NIN: variants seen among roughly 807,000 people sequenced by gnomAD.
NIN encodes the protein ninein.
In NIN, 137 loss-of-function variants were observed where a neutral mutation model predicts 257.6. The ratio of observed to expected loss-of-function variants is 0.53; its 90% CI spans 0.46 to 0.61. The LOEUF (loss-of-function observed/expected upper bound fraction) is 0.61. NIN is among the 20% of genes least tolerant of loss of function. The pLI, the probability that NIN is intolerant of heterozygous loss-of-function variation, is 0.00. For synonymous variants in NIN, 918 were observed against 919.8 expected (o/e 1.00, Z 0.04); for missense variants, 2,439 against 2,501.2 (o/e 0.98, Z 0.53).
chr14:50,722,197 G>A lies in NIN; in HGVS notation c.*1266C>T, dbSNP rs1282713421. On this transcript the variant is annotated 3_prime_UTR_variant, in exon 31 of 31. Transcript: ENST00000530997. Reference sequence around the variant, plus strand: ...GGTTACCGAATCTAAAATGTTGACTGTTCTATAAAGTTTTGATCTTGAGCA... The same window carrying A: ...GGTTACCGAATCTAAAATGTTGACTATTCTATAAAGTTTTGATCTTGAGCA... 4.4e-6 allele frequency: 1 copy of A among 226,482 alleles called. No homozygotes were observed. The highest frequency in any genetic ancestry group is 2.2e-5 in the African/African-American group (1 of 44,962). The allele number at this position is 226,482 out of a possible 1,614,324, so 14.0% of individuals were successfully genotyped here. A position where few individuals can be genotyped will look rare whatever the true frequency, so the allele number is the denominator to read the frequency against.
At chr14:50,806,489 T>TTATTGCCACACCACCTGACA (rs6145336) in intron 4 of NIN, 1 of 320,292 alleles carries the variant, frequency 3.1e-6, no homozygotes, top group Non-Finnish European at 5.7e-6. Context: ...CAAGAATGAG[T>TTATTGCCACACCACCTGACA]TATTGCCTAG....
chr14:50,758,357 G>T lies in NIN; in HGVS notation c.2673C>A (p.Thr891=), dbSNP rs143511857. 1.2e-6 allele frequency: 2 copies of T among 1,614,054 alleles called. No individual in the cohort carries two copies. The highest frequency in any genetic ancestry group is 2.7e-5 in the African/African-American group (2 of 74,926). The change falls in exon 18 of 31, where the codon ACC becomes ACA. Residue 891 remains threonine, a synonymous_variant. Transcript: ENST00000530997. ...TTTTCTCCAGCATCTCTCTCTCCTG[G>T]GTCAGGACCAGAGAAGTTGTTTTCT... ...KREKTTSLVL[T]QEREMLEKTY... is the part of the protein sequence containing the mutation.
chr14:50,826,251 A>C (rs2045452756), intron 2 of NIN, among the ~76,000 whole-genome samples: 1 of 152,060 alleles, frequency 6.6e-6, no homozygotes, highest in Admixed American at 6.6e-5. Context: ...GCCATAATAA[A>C]CCTGGGCCTC....
chr14:50,735,444 C>A (rs140679633), intron 28 of NIN, 72 bp downstream of exon 28: 5 of 1,545,496 alleles, frequency 3.2e-6, no homozygotes, highest in African/African-American at 1.4e-5. Context: ...CATGTCTAGT[C>A]TCTCCCAACA....
chr14:50,729,255 GTT>G (rs541953635), intron 29 of NIN, among the ~76,000 whole-genome samples: 1 of 133,652 alleles, frequency 7.5e-6, no homozygotes. Flanking sequence ...TTGTGATTTT[GTT>G]TTTTTTTTTT....
At chr14:50,801,664 T>C (rs2044109561) in intron 4 of NIN, among the ~76,000 whole-genome samples, 1 of 152,174 alleles carries the variant, frequency 6.6e-6, no homozygotes, top group Non-Finnish European at 1.5e-5. Context: ...TAAGACCTGG[T>C]TCAAGGCACA....
chr14:50,808,669 G>T (rs1000223728), intron 3 of NIN, among the ~76,000 whole-genome samples: 3 of 152,216 alleles, frequency 2.0e-5, no homozygotes, highest in Non-Finnish European at 4.4e-5. Context: ...ACACAGTAGT[G>T]AATGAGAGTG....
chr14:50,733,021 T>A (rs1228823812), intron 28 of NIN, among the ~76,000 whole-genome samples: 1 of 152,070 alleles, frequency 6.6e-6, no homozygotes, highest in African/African-American at 2.4e-5. Context: ...TGAGCTGTGA[T>A]CACAACACTG....
At chr14:50,798,920 A>G (rs1210950518) in intron 4 of NIN, among the ~76,000 whole-genome samples, 1 of 152,222 alleles carries the variant, frequency 6.6e-6, no homozygotes, top group African/African-American at 2.4e-5. Flanking sequence ...CTGGGACTAT[A>G]GGCACGTGCC....
In NIN at chr14:50,735,608, TCTGA is replaced by T. The variant is rs1178926772; in HGVS notation, c.5781_5784del (p.Ser1927ArgfsTer2). The T allele has an allele frequency of 3.1e-6, 5 of 1,611,194 alleles. No homozygotes were observed. The highest frequency in any genetic ancestry group is 1.3e-5 in the African/African-American group (1 of 75,066). On this transcript the variant is annotated frameshift_variant, in exon 28 of 31. Transcript: ENST00000530997. LOFTEE classifies it high-confidence loss of function. ...TCTAATTCTTGTTCAAGGGAATTCA[TCTGA>T]CTGACCTGTTTAAAAAAAACAAAAT... is the stretch of plus-strand genomic sequence containing the variant.
rs866951631 is a variant in NIN at position 50,747,752 on chromosome 14, G to A, written c.5064+240C>T. 9.8e-3 allele frequency among the ~76,000 whole-genome samples: 1,227 copies of A among 125,220 alleles called. 21 individuals carry two copies. The highest frequency in any genetic ancestry group is 0.038 in the African/African-American group (1,140 of 30,306). 82.1% of individuals were successfully genotyped at this position (125,220 alleles called of 152,430 possible). ...GGAAACTGTCTTAAAAAAAAAAAAG[G>A]GGGGGATTTTAGAGTGTACAACATA... On this transcript the variant is annotated intron_variant, in intron 22 of 30. Coordinates refer to ENST00000530997, the MANE Select transcript of NIN (RefSeq NM_020921.4).
At chr14:50,772,902 G>T in intron 8 of NIN, 47 bp downstream of exon 8, 1 of 1,522,654 alleles carries the variant, frequency 6.6e-7, no homozygotes, top group Non-Finnish European at 9.0e-7. Flanking sequence ...TACTTAAATG[G>T]GTTCTAACTT....
chr14:50,723,757 GT>G, intron 30 of NIN, 85 bp from the exon 31 acceptor site: 1 of 1,133,536 alleles, frequency 8.8e-7, no homozygotes, highest in Non-Finnish European at 1.3e-6. Flanking sequence ...AAGGACAGTT[GT>G]TTTATAAAGG....
At chr14:50,735,486 A>T in intron 28 of NIN, 30 bp downstream of exon 28, 1 of 1,608,270 alleles carries the variant, frequency 6.2e-7, no homozygotes, top group Non-Finnish European at 8.5e-7. Flanking sequence ...CATATTCTTC[A>T]TAGCTAAGGC....
In NIN at chr14:50,738,161, T is replaced by C. The variant is rs767098697; in HGVS notation, c.5754A>G (p.Glu1918=). The C allele has an allele frequency of 1.2e-6, 2 of 1,614,122 alleles. No homozygotes were observed. The highest frequency in any genetic ancestry group is 1.7e-6 in the Non-Finnish European group (2 of 1,179,998). Residue 1918 remains glutamate (E), a synonymous_variant, in exon 27 of 31, where the codon GAA becomes GAG. Coordinates refer to ENST00000530997, the MANE Select transcript of NIN (RefSeq NM_020921.4). ...LKRECDQFQK[E]QSPANRKVSQ... The stretch of plus-strand genomic sequence containing the variant: ...TCACCTTCCTGTTAGCAGGAGATTG[T>C]TCTTTCTGAAACTGATCACACTCTC...
At chr14:50,810,048 G>A (rs901043405) in intron 3 of NIN, among the ~76,000 whole-genome samples, 3 of 151,864 alleles carry the variant, frequency 2.0e-5, no homozygotes, top group Non-Finnish European at 4.4e-5. Flanking sequence ...TGGCTAACAC[G>A]GTGAAACCCC....
At chr14:50,741,158 T>C (rs2041262693) in intron 25 of NIN, among the ~76,000 whole-genome samples, 1 of 152,344 alleles carries the variant, frequency 6.6e-6, no homozygotes, top group East Asian at 1.9e-4. Flanking sequence ...TTTTTCTACA[T>C]TTGATTTTTT....
chr14:50,771,336 A>G lies in NIN; in HGVS notation c.1114T>C (p.Leu372=). 6.2e-7 allele frequency: 1 copy of G among 1,613,906 alleles called. No homozygotes were observed. The highest frequency in any genetic ancestry group is 8.5e-7 in the Non-Finnish European group (1 of 1,179,972). The change falls in exon 10 of 31, where the codon TTG becomes CTG. Residue 372 remains leucine (L), a synonymous_variant. Coordinates refer to ENST00000530997, the MANE Select transcript of NIN (RefSeq NM_020921.4). ...CGAACCTTCTGCTCAACTCACAACA[A>G]ATGCCGGATTTCAGCCTTAAAGCTG... is the stretch of plus-strand genomic sequence containing the variant. ...LASFKAEIRH[L]LERVDQVVRE...
intron 4 of NIN, among the ~76,000 whole-genome samples, chr14:50,799,364 G>T (rs2043981551): frequency 6.6e-6 from 1 of 152,188 alleles, no homozygotes; most frequent in African/African-American, 2.4e-5. Context: ...TGAAGCCAGT[G>T]GTGGCCCAAA....
Sources: allele counts gnomAD v4.1 joint callset (sites outside exome capture counted in the v4.1 genomes callset), GRCh38; gene constraint gnomAD v4.1.1; transcripts MANE v1.5; gene names NCBI Gene and HGNC (gene_info 2026-07-23, HGNC 2026-07-21).